Variants in ARHGAP23 observed in about 807,000 individuals in gnomAD.
The protein encoded by ARHGAP23 is Rho GTPase activating protein 23, also known as rho GTPase-activating protein 23.
Under a neutral mutation model 136.3 loss-of-function variants are expected in ARHGAP23, and 34 were observed. The ratio of observed to expected loss-of-function variants is 0.25; its 90% CI spans 0.19 to 0.33. The LOEUF (loss-of-function observed/expected upper bound fraction) is 0.33, where lower values mean the gene tolerates loss of function less well. ARHGAP23 is among the 10% of genes least tolerant of loss of function. The pLI, the probability that ARHGAP23 is intolerant of heterozygous loss-of-function variation, is 1.00. For synonymous variants in ARHGAP23, 832 were observed against 920.5 expected, an observed-to-expected ratio of 0.90 and a Z score of 1.74; for missense variants, 1,808 against 2,139.0, an observed-to-expected ratio of 0.85 and a Z score of 3.05.
intron 11 of ARHGAP23, among the ~76,000 whole-genome samples, chr17:38,475,855 G>A (rs2039880719): frequency 6.6e-6 from 1 of 152,162 alleles, no homozygotes; most frequent in African/African-American, 2.4e-5. Context: ...CTGCATTGAG[G>A]GAAAAATATG....
chr17:38,500,618 C>A lies in ARHGAP23; in HGVS notation c.3437C>A (p.Ala1146Asp). 1 of 1,549,316 alleles carries A rather than the reference C, an allele frequency of 6.5e-7. No homozygotes were observed. The highest frequency in any genetic ancestry group is 8.7e-7 in the Non-Finnish European group (1 of 1,146,706). Residue 1146 changes from alanine to aspartate, a missense_variant, in exon 23 of 24, where the codon GCC becomes GAC. Physicochemically the swap from Ala to Asp is moderately radical, Grantham distance 126. Coordinates refer to ENST00000622683, the MANE Select transcript of ARHGAP23 (RefSeq NM_001199417.2). ...PGSDSTTCSS[A>D]KSKGSWAPKK... ...ACAGATTCTACCACCTGTAGTTCAG[C>A]CAAGTCCAAGGTACGTATGAAGGCA...
At position 38,500,595 on chromosome 17, in the gene ARHGAP23, A is replaced by C. The variant is rs1474876395; in HGVS notation, c.3416-2A>C. ...ATTTTTTTTTCTGTCTTTCACCAAC[A>C]GATTCTACCACCTGTAGTTCAGCCA... On this transcript the variant is annotated splice_acceptor_variant, in intron 22 of 23. Coordinates refer to ENST00000622683, the MANE Select transcript of ARHGAP23 (RefSeq NM_001199417.2). LOFTEE classifies it high-confidence loss of function. 23 of 1,549,138 alleles carry C rather than the reference A, an allele frequency of 1.5e-5. No homozygotes were observed. Among genetic ancestry groups the C allele is most frequent in the Non-Finnish European group, 1.8e-5 (21 of 1,146,612 alleles).
In ARHGAP23 at chr17:38,457,818, A is replaced by G; in HGVS notation, c.64-284A>G. The stretch of plus-strand genomic sequence containing the variant: ...AGTGAACATTTGCTGAACTCAGCTG[A>G]ACTGAACTGAATGAACTTGCTTCAG... On this transcript the variant is annotated intron_variant, in intron 1 of 23. Coordinates refer to ENST00000622683, the MANE Select transcript of ARHGAP23 (RefSeq NM_001199417.2). 1.1e-5 allele frequency: 6 copies of G among 544,796 alleles called. No individual in the cohort carries two copies. The South Asian group carries it at 1.3e-4, about 12-fold the overall frequency. The allele number at this position is 544,796 out of a possible 1,614,324, so 33.7% of individuals were successfully genotyped here. A position where few individuals can be genotyped will look rare whatever the true frequency, so the allele number is the denominator to read the frequency against.
chr17:38,500,761 G>C, intron 23 of ARHGAP23, 133 bp downstream of exon 23: 1 of 830,450 alleles, frequency 1.2e-6, no homozygotes, highest in East Asian at 2.7e-5. Flanking sequence ...GAAGGCAGGA[G>C]GTACCGAGTG....
In ARHGAP23 at chr17:38,502,439, ACT is replaced by A. The variant is rs560325202; in HGVS notation, c.3447+1812_3447+1813del. ...TAATTCATTTGATAATACCACAAATACTTGTTGAACGTCTACTTTATATCAGT... is the reference window on the plus strand; with the variant it reads ...TAATTCATTTGATAATACCACAAATATGTTGAACGTCTACTTTATATCAGT... On this transcript the variant is annotated intron_variant, in intron 23 of 23. Coordinates refer to ENST00000622683, the MANE Select transcript of ARHGAP23 (RefSeq NM_001199417.2). Among the ~76,000 whole-genome samples, 339 of 152,394 alleles carry A rather than the reference ACT, an allele frequency of 2.2e-3. 1 individual carries two copies. The highest frequency in any genetic ancestry group is 7.8e-3 in the African/African-American group (326 of 41,604).
intron 2 of ARHGAP23, among the ~76,000 whole-genome samples, chr17:38,460,136 C>T (rs529130985): frequency 1.4e-4 from 22 of 152,294 alleles, no homozygotes; most frequent in Non-Finnish European, 2.1e-4. Context: ...TGCCCTCCTT[C>T]CTCATTCCCC....
At chr17:38,473,346 TC>T (rs1332382265) in intron 11 of ARHGAP23, among the ~76,000 whole-genome samples, 10 of 152,108 alleles carry the variant, frequency 6.6e-5, no homozygotes, top group Non-Finnish European at 1.5e-4. Context: ...GACTTTGAGT[TC>T]CTATCCGGCC....
chr17:38,510,747 C>G lies in ARHGAP23; in HGVS notation c.4251C>G (p.Leu1417=), dbSNP rs1315470513. The change falls in exon 24 of 24, where the codon CTC becomes CTG. Residue 1417 remains leucine (L), a synonymous_variant. Transcript: ENST00000622683. The surrounding 1 kb of genome is among the most constrained non-coding windows in gnomAD (Gnocchi z 4.6). ...TVVVQSPLTD[L]NFNEWKELGG... ...TGGTGCAGAGCCCGCTGACTGACCTCAACTTCAACGAGTGGAAGGAGCTGG... is the reference window on the plus strand; with the variant it reads ...TGGTGCAGAGCCCGCTGACTGACCTGAACTTCAACGAGTGGAAGGAGCTGG... 2 of 1,484,850 alleles carry G rather than the reference C, an allele frequency of 1.3e-6. No individual in the cohort carries two copies. The highest frequency in any genetic ancestry group is 1.8e-6 in the Non-Finnish European group (2 of 1,120,390). The allele number at this position is 1,484,850 out of a possible 1,614,324, so 92.0% of individuals were successfully genotyped here.
chr17:38,504,699 G>C (rs545279980), intron 23 of ARHGAP23, among the ~76,000 whole-genome samples: 10 of 152,256 alleles, frequency 6.6e-5, no homozygotes, highest in African/African-American at 2.4e-4. Flanking sequence ...CACATTGCTG[G>C]GTCTCTAGGG....
chr17:38,497,641 G>A, intron 20 of ARHGAP23, 144 bp from the exon 21 acceptor site: 1 of 773,932 alleles, frequency 1.3e-6, no homozygotes, highest in Non-Finnish European at 2.2e-6. Flanking sequence ...CTCCCTCTGA[G>A]CCCTCTTTTG....
At position 38,511,659 on chromosome 17, in the gene ARHGAP23, G is replaced by A. The variant is rs2040767880; in HGVS notation, c.*687G>A. 1 of 152,120 alleles carries A rather than the reference G, an allele frequency of 6.6e-6. No individual in the cohort carries two copies. The allele number at this position is 152,120 out of a possible 1,614,324, so 9.4% of individuals were successfully genotyped here. A position where few individuals can be genotyped will look rare whatever the true frequency, so the allele number is the denominator to read the frequency against. Reference sequence around the variant, plus strand: ...GAGGCAGGACTGAAACCCTCACCAGGGTTACTCCCCAACATCCTTTTGCCT... The same window carrying A: ...GAGGCAGGACTGAAACCCTCACCAGAGTTACTCCCCAACATCCTTTTGCCT... On this transcript the variant is annotated 3_prime_UTR_variant, in exon 24 of 24. Transcript: ENST00000622683.
chr17:38,458,314 G>A (rs1347562263), intron 2 of ARHGAP23, 51 bp downstream of exon 2: 3 of 1,459,416 alleles, frequency 2.1e-6, no homozygotes, highest in Non-Finnish European at 2.7e-6. Flanking sequence ...CATGAGGGAG[G>A]GAGACTCTTT....
chr17:38,420,125 A>C (rs2038505216), intron 1 of ARHGAP23, among the ~76,000 whole-genome samples: 1 of 151,588 alleles, frequency 6.6e-6, no homozygotes, highest in Non-Finnish European at 1.5e-5. Flanking sequence ...GGGGATGAAG[A>C]CCCCCTCTGG....
intron 17 of ARHGAP23, among the ~76,000 whole-genome samples, chr17:38,486,557 A>G: frequency 9.8e-6 from 1 of 101,614 alleles, no homozygotes; most frequent in South Asian, 3.0e-4. Flanking sequence ...TTTTTTTTTT[A>G]ACACAAAAGC....
chr17:38,427,938 C>G (rs1392630150), upstream of ARHGAP23, among the ~76,000 whole-genome samples: 1 of 152,214 alleles, frequency 6.6e-6, no homozygotes, highest in Non-Finnish European at 1.5e-5. Context: ...GTCTTCCCCC[C>G]TTTCTGATCC....
intron 1 of ARHGAP23, chr17:38,453,666 T>G (rs1442208614): frequency 6.7e-6 from 1 of 149,842 alleles, no homozygotes; most frequent in Admixed American, 6.6e-5. Context: ...CCTGCGAGAC[T>G]CGCGGGCGTG....
intron 1 of ARHGAP23, chr17:38,451,573 G>C (rs2039167621): frequency 6.6e-6 from 1 of 152,278 alleles, no homozygotes. Flanking sequence ...CTTAGAACCA[G>C]GGACTGGACT....
At chr17:38,509,910 G>T in intron 23 of ARHGAP23, 34 bp from the exon 24 acceptor site, 1 of 1,241,902 alleles carries the variant, frequency 8.1e-7, no homozygotes. Flanking sequence ...CCGAGTCCGG[G>T]CGCCCCCCGC....
At chr17:38,449,202 C>T (rs2039102437) in intron 1 of ARHGAP23, among the ~76,000 whole-genome samples, 1 of 152,190 alleles carries the variant, frequency 6.6e-6, no homozygotes, top group Non-Finnish European at 1.5e-5. Context: ...CAAGTGCTTC[C>T]TCATCTCCCT....
Sources: gnomAD v4.1 joint callset for allele counts (sites outside exome capture counted in the v4.1 genomes callset) on GRCh38, gnomAD v4.1.1 for gene constraint, Gnocchi (gnomAD v3.1) non-coding constraint, MANE v1.5 for transcripts, NCBI Gene and HGNC (gene_info 2026-07-23, HGNC 2026-07-21) for gene names.